The following CBLB variants were observed in gnomAD, a reference collection of about 807,000 sequenced individuals.
CBLB encodes E3 ubiquitin-protein ligase CBL-B.
A neutral mutation model predicts 104.9 loss-of-function variants in CBLB; 31 were observed. The observed-to-expected ratio is 0.30, with a 90% CI of 0.22 to 0.40. The LOEUF (loss-of-function observed/expected upper bound fraction) is 0.40. Among genes scored for constraint, CBLB ranks in the 10% least tolerant of loss-of-function variants. CBLB has a pLI of 1.00. For synonymous variants in CBLB, 440 were observed against 422.6 expected, an observed-to-expected ratio of 1.04 and a Z score of -0.51; for missense variants, 1,062 against 1,214.6, an observed-to-expected ratio of 0.87 and a Z score of 1.87.
intron 6 of CBLB, among the ~76,000 whole-genome samples, chr3:105,742,736 C>T (rs2075733013): frequency 6.6e-6 from 1 of 152,142 alleles, no homozygotes; most frequent in East Asian, 1.9e-4. Flanking sequence ...CTATGAATCT[C>T]AGCAAAGTTT....
At chr3:105,766,877 T>G (rs1221300999) in intron 4 of CBLB, among the ~76,000 whole-genome samples, 3 of 152,218 alleles carry the variant, frequency 2.0e-5, no homozygotes, top group Non-Finnish European at 2.9e-5. Flanking sequence ...GTGATATTCT[T>G]TATGTGATTT....
chr3:105,740,945 A>G (rs1437054551), intron 6 of CBLB, among the ~76,000 whole-genome samples: 1 of 152,140 alleles, frequency 6.6e-6, no homozygotes, highest in African/African-American at 2.4e-5. Context: ...GATGGCATGG[A>G]ATAGCTACAA....
At chr3:105,678,084 G>C (rs2065868068) in intron 17 of CBLB, among the ~76,000 whole-genome samples, 1 of 152,094 alleles carries the variant, frequency 6.6e-6, no homozygotes. Context: ...TTGGGAATCG[G>C]AAGACAAAGT....
At chr3:105,781,488 T>A (rs144443735) in intron 3 of CBLB, among the ~76,000 whole-genome samples, 1 of 152,196 alleles carries the variant, frequency 6.6e-6, no homozygotes, top group South Asian at 2.1e-4. Flanking sequence ...ATCATCATAA[T>A]ACAATGTGGT....
At chr3:105,705,124 T>C (rs2069884606) in intron 10 of CBLB, among the ~76,000 whole-genome samples, 1 of 152,236 alleles carries the variant, frequency 6.6e-6, no homozygotes, top group South Asian at 2.1e-4. Flanking sequence ...TATTGTTCTG[T>C]TTCTGAATGC....
chr3:105,828,997 A>G (rs2087007173), intron 3 of CBLB, among the ~76,000 whole-genome samples: 1 of 152,044 alleles, frequency 6.6e-6, no homozygotes, highest in African/African-American at 2.4e-5. Context: ...AATATTTAAC[A>G]TATATAATTT....
chr3:105,809,148 C>T (rs755583162), intron 3 of CBLB, among the ~76,000 whole-genome samples: 3 of 152,180 alleles, frequency 2.0e-5, no homozygotes, highest in African/African-American at 4.8e-5. Flanking sequence ...CAGACAAATA[C>T]ACACATAAAG....
At chr3:105,853,274 A>G in intron 3 of CBLB, 140 bp downstream of exon 3, 1 of 815,992 alleles carries the variant, frequency 1.2e-6, no homozygotes, top group Non-Finnish European at 2.1e-6. Context: ...AAGTATCCCC[A>G]TCGTTAAGTA....
At chr3:105,724,171 G>A (rs953205590) in intron 9 of CBLB, 1 of 173,000 alleles carries the variant, frequency 5.8e-6, no homozygotes, top group African/African-American at 2.4e-5. Flanking sequence ...ATCTCCCACA[G>A]AAACTCAATA....
chr3:105,811,500 A>G (rs1248184004), intron 3 of CBLB, among the ~76,000 whole-genome samples: 1 of 152,186 alleles, frequency 6.6e-6, no homozygotes, highest in Non-Finnish European at 1.5e-5. Context: ...TCTCAAATCA[A>G]TGCATGCATA....
chr3:105,803,394 A>G (rs1388784616), intron 3 of CBLB, among the ~76,000 whole-genome samples: 1 of 152,154 alleles, frequency 6.6e-6, no homozygotes, highest in Admixed American at 6.5e-5. Context: ...GCTATTTCCT[A>G]TTAAATACGG....
chr3:105,785,784 G>T (rs1286764015), intron 3 of CBLB, among the ~76,000 whole-genome samples: 1 of 152,032 alleles, frequency 6.6e-6, no homozygotes, highest in Admixed American at 6.6e-5. Flanking sequence ...TCTTCCCCAG[G>T]ATTAAAATTA....
intron 4 of CBLB, among the ~76,000 whole-genome samples, chr3:105,754,627 C>T (rs966277519): frequency 8.6e-5 from 13 of 151,832 alleles, no homozygotes; most frequent in African/African-American, 3.1e-4. Flanking sequence ...ATTCTATTGA[C>T]CCTTACAATT....
Position 105,659,194 on chromosome 3 carries a change from G to T in CBLB, c.2725C>A (p.Arg909=), listed in dbSNP as rs374708310. Residue 909 remains arginine (R), a synonymous_variant, in exon 19 of 19, where the codon CGA becomes AGA. Transcript: ENST00000394030. ...ATTTCTGGTGCAGTCCTGCGCGGTCGTGGTTTAGGGGGTCTGGCTGGTGCC... is the reference window on the plus strand; with the variant it reads ...ATTTCTGGTGCAGTCCTGCGCGGTCTTGGTTTAGGGGGTCTGGCTGGTGCC... ...SQAPARPPKP[R]PRRTAPEIHH... The T allele has an allele frequency of 3.1e-6, 5 of 1,613,828 alleles. No homozygotes were observed. The African/African-American group carries it at 6.7e-5, about 22-fold the overall frequency.
At chr3:105,691,728 C>A (rs1353614246) in intron 13 of CBLB, among the ~76,000 whole-genome samples, 1 of 152,182 alleles carries the variant, frequency 6.6e-6, no homozygotes, top group African/African-American at 2.4e-5. Context: ...TTGCTTCCAA[C>A]TCCTATGCCT....
chr3:105,851,192 T>C (rs2090902753), intron 3 of CBLB, among the ~76,000 whole-genome samples: 1 of 152,190 alleles, frequency 6.6e-6, no homozygotes, highest in African/African-American at 2.4e-5. Flanking sequence ...TGGAGTATTA[T>C]TCAGTGGCAT....
intron 4 of CBLB, among the ~76,000 whole-genome samples, chr3:105,772,887 T>C (rs1197320091): frequency 2.0e-5 from 3 of 152,060 alleles, no homozygotes; most frequent in Non-Finnish European, 4.4e-5. Flanking sequence ...TTAAAAACAA[T>C]AGATGTTGAC....
At chr3:105,710,131 ATC>A (rs2070847607) in intron 10 of CBLB, among the ~76,000 whole-genome samples, 1 of 151,796 alleles carries the variant, frequency 6.6e-6, no homozygotes. Context: ...ACCTCTTTCT[ATC>A]TGTTATAATT....
intron 10 of CBLB, among the ~76,000 whole-genome samples, chr3:105,704,819 T>C (rs1042477764): frequency 6.6e-6 from 1 of 152,188 alleles, no homozygotes; most frequent in African/African-American, 2.4e-5. Context: ...TTTCTGTTAC[T>C]ACAAGTTTTC....
Sources: gnomAD v4.1 joint callset for allele counts (sites outside exome capture counted in the v4.1 genomes callset) on GRCh38, gnomAD v4.1.1 for gene constraint, MANE v1.5 for transcripts, NCBI Gene and HGNC (gene_info 2026-07-23, HGNC 2026-07-21) for gene names.